The following PMFBP1 variants were observed in gnomAD, a reference collection of about 807,000 sequenced individuals.
PMFBP1 encodes polyamine-modulated factor 1-binding protein 1.
PMFBP1 carries 131 observed loss-of-function variants against 137.8 expected under a neutral mutation model. That is an observed-to-expected ratio of 0.95 (90% CI 0.82 to 1.10). PMFBP1 has a LOEUF of 1.10. PMFBP1 is among the 50% of genes least tolerant of loss of function. The pLI is 0.00. For synonymous variants in PMFBP1, 490 were observed against 450.4 expected, an observed-to-expected ratio of 1.09 and a Z score of -1.11; for missense variants, 1,199 against 1,175.4, an observed-to-expected ratio of 1.02 and a Z score of -0.29.
At chr16:72,218,341 T>A in the PMFBP1 span, among the ~76,000 whole-genome samples, 1 of 152,164 alleles carries the variant, frequency 6.6e-6, no homozygotes, top group East Asian at 1.9e-4. Context: ...TTAAACTTTT[T>A]TTTTTCTTTT....
chr16:72,195,934 A>G, the PMFBP1 span, among the ~76,000 whole-genome samples: 1 of 151,976 alleles, frequency 6.6e-6, no homozygotes, highest in East Asian at 1.9e-4. Flanking sequence ...ACTCTAGTAA[A>G]GACTGTAAGT....
the PMFBP1 span, among the ~76,000 whole-genome samples, chr16:72,186,098 C>T: frequency 3.3e-5 from 5 of 152,138 alleles, no homozygotes; most frequent in Non-Finnish European, 5.9e-5. Flanking sequence ...ATGTTCCACC[C>T]GTCTGCATCA....
At chr16:72,168,121 C>A (rs952715962) in intron 2 of PMFBP1, among the ~76,000 whole-genome samples, 6 of 152,162 alleles carry the variant, frequency 3.9e-5, no homozygotes, top group Non-Finnish European at 8.8e-5. Flanking sequence ...TGGAATAAAT[C>A]ATCTTTCTTT....
chr16:72,142,008 T>C lies in PMFBP1; in HGVS notation c.637-1426A>G, dbSNP rs2042730808. On this transcript the variant is annotated intron_variant, in intron 5 of 20. Transcript: ENST00000237353. ...TAAGGGGGTAAATTGATATACATCGTGAAAAAAAAAAAAAAAAGCAAAGCG... is the reference window on the plus strand; with the variant it reads ...TAAGGGGGTAAATTGATATACATCGCGAAAAAAAAAAAAAAAAGCAAAGCG... Among the ~76,000 whole-genome samples, 4 of 89,074 alleles carry C rather than the reference T, an allele frequency of 4.5e-5. No homozygotes were observed. The East Asian group carries it at 9.5e-4, about 21-fold the overall frequency. The allele number at this position is 89,074 out of a possible 152,430, so 58.4% of individuals were successfully genotyped here.
chr16:72,249,288 A>G, the PMFBP1 span, among the ~76,000 whole-genome samples: 1 of 152,040 alleles, frequency 6.6e-6, no homozygotes, highest in African/African-American at 2.4e-5. Context: ...ACTTTTGATA[A>G]TATATTAAAA....
chr16:72,238,979 T>C, the PMFBP1 span, among the ~76,000 whole-genome samples: 1 of 152,070 alleles, frequency 6.6e-6, no homozygotes, highest in Non-Finnish European at 1.5e-5. Context: ...CTGTCAATTC[T>C]ATGAAGAGGG....
the PMFBP1 span, among the ~76,000 whole-genome samples, chr16:72,228,155 G>T: frequency 1.3e-5 from 2 of 152,046 alleles, no homozygotes; most frequent in East Asian, 1.9e-4. Context: ...CAGGGGTGGG[G>T]TTCGAGCCTG....
chr16:72,228,076 T>C, the PMFBP1 span, among the ~76,000 whole-genome samples: 2 of 152,158 alleles, frequency 1.3e-5, no homozygotes, highest in East Asian at 3.9e-4. Flanking sequence ...TTTTCAAACT[T>C]TCTTTTCAGA....
intron 17 of PMFBP1, among the ~76,000 whole-genome samples, 173 bp downstream of exon 17, chr16:72,124,594 C>T (rs72787078): frequency 0.12 from 18,878 of 152,268 alleles, 1,641 homozygotes; most frequent in South Asian, 0.18. Flanking sequence ...CACAAGAACA[C>T]AGGTGGGTTG....
At chr16:72,125,192 T>G (rs773677796) in intron 16 of PMFBP1, 46 bp downstream of exon 16, 6 of 1,588,528 alleles carry the variant, frequency 3.8e-6, no homozygotes, top group Non-Finnish European at 5.1e-6. Context: ...GGTGACCTTG[T>G]GGACCCCTAC....
the PMFBP1 span, among the ~76,000 whole-genome samples, chr16:72,195,175 G>C: frequency 6.6e-6 from 1 of 152,160 alleles, no homozygotes; most frequent in Non-Finnish European, 1.5e-5. Flanking sequence ...TGGGTGCAGC[G>C]ATGGCACCAG....
the PMFBP1 span, among the ~76,000 whole-genome samples, chr16:72,205,381 G>C: frequency 6.6e-6 from 1 of 152,220 alleles, no homozygotes; most frequent in African/African-American, 2.4e-5. Flanking sequence ...TCCTTTTGGA[G>C]AGCATAATAA....
At chr16:72,191,308 G>A in the PMFBP1 span, among the ~76,000 whole-genome samples, 1 of 152,152 alleles carries the variant, frequency 6.6e-6, no homozygotes, top group Non-Finnish European at 1.5e-5. Context: ...CTACTAATTT[G>A]GATAAATGTT....
At chr16:72,197,220 T>G in the PMFBP1 span, among the ~76,000 whole-genome samples, 1 of 152,168 alleles carries the variant, frequency 6.6e-6, no homozygotes, top group Non-Finnish European at 1.5e-5. Context: ...ACCAGGTAAT[T>G]GGGCACCTAT....
chr16:72,151,310 C>A (rs1275846557), intron 4 of PMFBP1, among the ~76,000 whole-genome samples: 3 of 152,152 alleles, frequency 2.0e-5, no homozygotes, highest in Non-Finnish European at 4.4e-5. Flanking sequence ...TTTGCACAAT[C>A]CTTGTTTAGA....
At chr16:72,130,412 T>C in intron 11 of PMFBP1, 55 bp from the exon 12 acceptor site, 2 of 1,611,774 alleles carry the variant, frequency 1.2e-6, no homozygotes, top group Admixed American at 1.7e-5. Flanking sequence ...TGTGGGCAGA[T>C]TGTGGAGCTG....
At chr16:72,227,053 A>C in the PMFBP1 span, among the ~76,000 whole-genome samples, 1 of 152,030 alleles carries the variant, frequency 6.6e-6, no homozygotes, top group African/African-American at 2.4e-5. Flanking sequence ...AGAATTTAAT[A>C]TGTTTCTTTT....
At chr16:72,186,360 A>G in the PMFBP1 span, among the ~76,000 whole-genome samples, 1 of 152,188 alleles carries the variant, frequency 6.6e-6, no homozygotes, top group Non-Finnish European at 1.5e-5. Flanking sequence ...GAAAGATTTT[A>G]TGGAGATAGT....
At chr16:72,134,964 T>C (rs2042601837) in intron 9 of PMFBP1, among the ~76,000 whole-genome samples, 1 of 152,212 alleles carries the variant, frequency 6.6e-6, no homozygotes, top group South Asian at 2.1e-4. Flanking sequence ...GCAGGTTTTG[T>C]GATATTCTTA....
Sources: gnomAD v4.1 joint callset for allele counts (sites outside exome capture counted in the v4.1 genomes callset) on GRCh38, gnomAD v4.1.1 for gene constraint, MANE v1.5 for transcripts, NCBI Gene and HGNC (gene_info 2026-07-23, HGNC 2026-07-21) for gene names.